The following PDE8B variants were observed in gnomAD, a reference collection of about 807,000 sequenced individuals.
PDE8B encodes phosphodiesterase 8B.
Under a neutral mutation model 101.3 loss-of-function variants are expected in PDE8B, and 26 were observed. The observed-to-expected ratio is 0.26, with a 90% confidence interval of 0.19 to 0.36. The LOEUF is 0.36. Ranked by LOEUF, PDE8B falls within the 10% of genes least tolerant of loss-of-function variation. PDE8B has a pLI of 1.00. For synonymous variants in PDE8B, 424 were observed against 429.3 expected, an observed-to-expected ratio of 0.99 and a Z score of 0.15; for missense variants, 810 against 1,163.1, an observed-to-expected ratio of 0.70 and a Z score of 4.42.
chr5:77,258,768 T>A (rs1201816545), intron 1 of PDE8B, among the ~76,000 whole-genome samples: 1 of 152,122 alleles, frequency 6.6e-6, no homozygotes, highest in African/African-American at 2.4e-5. Flanking sequence ...TTCAGTTCAG[T>A]GCTCCTACGC....
Position 77,423,659 on chromosome 5 carries a change from TGA to T in PDE8B, c.2418+1674_2418+1675del, listed in dbSNP as rs1369573575. 5.5e-4 allele frequency among the ~76,000 whole-genome samples: 56 copies of T among 102,348 alleles called. 2 individuals carry two copies. Among genetic ancestry groups the T allele is most frequent in the African/African-American group, 2.0e-3 (48 of 23,914 alleles). 67.1% of individuals were successfully genotyped at this position (102,348 alleles called of 152,430 possible). Reference sequence around the variant, plus strand: ...TTTTTTTTTTTTTTTTTTTTTTTTTTGAGACAGTCTTGCTCTGTTGCCCAGGC... The same window carrying T: ...TTTTTTTTTTTTTTTTTTTTTTTTTTGACAGTCTTGCTCTGTTGCCCAGGC... On this transcript the variant is annotated intron_variant, in intron 20 of 21. Transcript: ENST00000264917.
At chr5:77,136,525 A>G in the PDE8B span, among the ~76,000 whole-genome samples, 1 of 152,172 alleles carries the variant, frequency 6.6e-6, no homozygotes, top group African/African-American at 2.4e-5. Flanking sequence ...AATAGGTACC[A>G]TCCTTGGAAA....
At chr5:77,183,969 CTTT>C in the PDE8B span, among the ~76,000 whole-genome samples, 41 of 137,250 alleles carry the variant, frequency 3.0e-4, no homozygotes, top group African/African-American at 1.3e-3. Flanking sequence ...TAAATACATA[CTTT>C]TTTTTTTTAA....
At chr5:77,161,205 G>A in the PDE8B span, among the ~76,000 whole-genome samples, 2 of 152,074 alleles carry the variant, frequency 1.3e-5, no homozygotes, top group Admixed American at 1.3e-4. Flanking sequence ...ACCTCCAAAA[G>A]TTCTCTTGTG....
At chr5:77,317,920 G>A (rs1774115774) in intron 2 of PDE8B, among the ~76,000 whole-genome samples, 1 of 151,830 alleles carries the variant, frequency 6.6e-6, no homozygotes, top group Non-Finnish European at 1.5e-5. Flanking sequence ...AGTCGGGTGT[G>A]GTGGCGGGCA....
intron 16 of PDE8B, among the ~76,000 whole-genome samples, chr5:77,412,444 C>A (rs1353928585): frequency 3.3e-5 from 5 of 152,116 alleles, no homozygotes; most frequent in Non-Finnish European, 7.3e-5. Context: ...GATGTGGGAT[C>A]TGCCTGGGTA....
intron 10 of PDE8B, among the ~76,000 whole-genome samples, chr5:77,366,388 C>G (rs1035843269): frequency 6.6e-6 from 1 of 152,158 alleles, no homozygotes; most frequent in African/African-American, 2.4e-5. Flanking sequence ...TCTGGGTAAG[C>G]AGTTGAGGGG....
intron 10 of PDE8B, among the ~76,000 whole-genome samples, chr5:77,359,893 T>G (rs1782779900): frequency 6.6e-6 from 1 of 152,204 alleles, no homozygotes; most frequent in Middle Eastern, 3.4e-3. Flanking sequence ...GTCAGGAGTT[T>G]GAGACCAGCC....
rs1171215339 is a variant in PDE8B at position 77,407,427 on chromosome 5, C to T, written c.1335C>T (p.His445=). 1 of 1,614,022 alleles carries T rather than the reference C, an allele frequency of 6.2e-7. No homozygotes were observed. The stretch of plus-strand genomic sequence containing the variant: ...GCTATCCGTCCATGGCGAGGATCCA[C>T]TCCATGACCATCGAGGCTCCCATCA... ...NRRYPSMARI[H]SMTIEAPITK... The change falls in exon 13 of 22, where the codon CAC becomes CAT. Residue 445 remains histidine, a synonymous_variant. Coordinates refer to ENST00000264917, the MANE Select transcript of PDE8B (RefSeq NM_003719.5).
intron 19 of PDE8B, 54 bp from the exon 20 acceptor site, chr5:77,421,767 T>C: frequency 6.3e-7 from 1 of 1,574,994 alleles, no homozygotes; most frequent in Non-Finnish European, 8.7e-7. Flanking sequence ...AATTAACCCT[T>C]GTGGGCTTCA....
the PDE8B span, among the ~76,000 whole-genome samples, chr5:77,165,133 T>C: frequency 6.6e-6 from 1 of 152,158 alleles, no homozygotes; most frequent in African/African-American, 2.4e-5. Context: ...AGATGTGCAG[T>C]CACACATCAT....
chr5:77,379,719 A>T (rs1057236559), intron 10 of PDE8B, among the ~76,000 whole-genome samples: 1 of 152,178 alleles, frequency 6.6e-6, no homozygotes, highest in Non-Finnish European at 1.5e-5. Context: ...TTGAGAAGTG[A>T]ATCTTCAAGT....
At chr5:77,200,565 A>ATTT in the PDE8B span, among the ~76,000 whole-genome samples, 220 of 145,494 alleles carry the variant, frequency 1.5e-3, no homozygotes, top group African/African-American at 3.0e-3. Flanking sequence ...CTTTTTTTTA[A>ATTT]AAAATTTTGT....
chr5:77,179,768 T>C, the PDE8B span, among the ~76,000 whole-genome samples: 285 of 152,296 alleles, frequency 1.9e-3, 2 homozygotes, highest in African/African-American at 6.6e-3. Flanking sequence ...CTTATGTTGC[T>C]GAGGCTGGTC....
intron 6 of PDE8B, 84 bp downstream of exon 6, chr5:77,337,399 C>A: frequency 1.3e-6 from 1 of 771,222 alleles, no homozygotes; most frequent in South Asian, 1.5e-5. Context: ...TTCAGGGGTT[C>A]ATAGCTGAAT....
chr5:77,262,378 A>T (rs1314021824), intron 1 of PDE8B, among the ~76,000 whole-genome samples: 1 of 152,208 alleles, frequency 6.6e-6, no homozygotes, highest in Non-Finnish European at 1.5e-5. Flanking sequence ...AAGCATAATC[A>T]GTATTGTTTT....
At chr5:77,286,581 A>ATTTT (rs77350972) in intron 1 of PDE8B, among the ~76,000 whole-genome samples, 6 of 152,002 alleles carry the variant, frequency 3.9e-5, no homozygotes, top group Admixed American at 6.5e-5. Flanking sequence ...TTAGGTTGTC[A>ATTTT]TTTTTTGTGT....
chr5:77,086,974 A>G, the PDE8B span: 1 of 152,196 alleles, frequency 6.6e-6, no homozygotes, highest in Non-Finnish European at 1.5e-5. Context: ...CGGCCCGGAG[A>G]AGGGCAGCCC....
the PDE8B span, among the ~76,000 whole-genome samples, chr5:77,132,587 A>C: frequency 6.6e-6 from 1 of 151,952 alleles, no homozygotes; most frequent in Non-Finnish European, 1.5e-5. Context: ...GTATCTTTCC[A>C]CTCAGTCAAA....
Sources: gnomAD v4.1 joint callset for allele counts (sites outside exome capture counted in the v4.1 genomes callset) on GRCh38, gnomAD v4.1.1 for gene constraint, MANE v1.5 for transcripts, NCBI Gene and HGNC (gene_info 2026-07-23, HGNC 2026-07-21) for gene names.